The following ETV6 variants were observed in gnomAD, a reference collection of about 807,000 sequenced individuals.
ETV6 encodes the protein transcription factor ETV6.
A neutral mutation model predicts 51.1 loss-of-function variants in ETV6; 16 were observed. The ratio of observed to expected loss-of-function variants is 0.31; its 90% CI spans 0.21 to 0.48. The LOEUF (loss-of-function observed/expected upper bound fraction) is 0.48. Among genes scored for constraint, ETV6 ranks in the 20% least tolerant of loss-of-function variants. ETV6 has a pLI of 0.99. For missense variants in ETV6, 458 were observed against 594.8 expected, an observed-to-expected ratio of 0.77 and a Z score of 2.39; for synonymous variants, 240 against 224.1, an observed-to-expected ratio of 1.07 and a Z score of -0.64.
intron 2 of ETV6, among the ~76,000 whole-genome samples, chr12:11,791,352 A>G (rs1347082846): frequency 6.6e-6 from 1 of 152,184 alleles, no homozygotes; most frequent in Non-Finnish European, 1.5e-5. Context: ...TCCTCCTCTG[A>G]TGAATGTTGA....
At chr12:11,819,167 G>A (rs938882873) in intron 2 of ETV6, among the ~76,000 whole-genome samples, 2 of 152,100 alleles carry the variant, frequency 1.3e-5, no homozygotes, top group Non-Finnish European at 2.9e-5. Flanking sequence ...TCCACATGGT[G>A]TCCTCCTCCT....
intron 2 of ETV6, among the ~76,000 whole-genome samples, chr12:11,770,558 A>T (rs1945228592): frequency 6.6e-6 from 1 of 152,188 alleles, no homozygotes; most frequent in Non-Finnish European, 1.5e-5. Flanking sequence ...TGTCAACCGG[A>T]TGCTAGACTT....
intron 1 of ETV6, among the ~76,000 whole-genome samples, chr12:11,655,402 TAA>T (rs1366507700): frequency 6.6e-6 from 1 of 152,134 alleles, no homozygotes; most frequent in African/African-American, 2.4e-5. Flanking sequence ...GGACCCAGCT[TAA>T]AGACTGTTCA....
At chr12:11,861,595 T>G (rs111771603) in intron 4 of ETV6, among the ~76,000 whole-genome samples, 6 of 152,136 alleles carry the variant, frequency 3.9e-5, no homozygotes, top group Non-Finnish European at 8.8e-5. Flanking sequence ...AGCCAGAAGT[T>G]TTAGGGGCAA....
intron 1 of ETV6, among the ~76,000 whole-genome samples, chr12:11,677,089 C>T (rs1864434279): frequency 6.6e-6 from 1 of 152,194 alleles, no homozygotes; most frequent in Non-Finnish European, 1.5e-5. Context: ...TGAGTTTCTG[C>T]TTGTTGTTAA....
At chr12:11,790,375 G>T (rs1422112398) in intron 2 of ETV6, among the ~76,000 whole-genome samples, 1 of 152,124 alleles carries the variant, frequency 6.6e-6, no homozygotes, top group Non-Finnish European at 1.5e-5. Context: ...AGCACTGAAG[G>T]CAAGTTCTCC....
intron 3 of ETV6, among the ~76,000 whole-genome samples, chr12:11,843,306 T>C (rs2136471402): frequency 6.6e-6 from 1 of 152,282 alleles, no homozygotes; most frequent in Non-Finnish European, 1.5e-5. Flanking sequence ...AGATTGAAAA[T>C]CCTTTTTATT....
chr12:11,778,176 C>T (rs535868653), intron 2 of ETV6, among the ~76,000 whole-genome samples: 41 of 152,322 alleles, frequency 2.7e-4, no homozygotes, highest in South Asian at 1.7e-3. Flanking sequence ...AGGGGAATCA[C>T]GATGCTTATC....
At chr12:11,802,135 C>T (rs1452065292) in intron 2 of ETV6, among the ~76,000 whole-genome samples, 1 of 152,208 alleles carries the variant, frequency 6.6e-6, no homozygotes, top group Admixed American at 6.5e-5. Context: ...ATAACCTGAA[C>T]CACTTAAAAC....
intron 2 of ETV6, among the ~76,000 whole-genome samples, chr12:11,761,809 A>G (rs547451800): frequency 1.3e-5 from 2 of 152,360 alleles, no homozygotes; most frequent in South Asian, 4.1e-4. Flanking sequence ...GCCTGAGTAT[A>G]TGATTCCTAA....
chr12:11,751,122 T>C (rs1866017938), intron 1 of ETV6, among the ~76,000 whole-genome samples: 1 of 152,198 alleles, frequency 6.6e-6, no homozygotes, highest in Admixed American at 6.5e-5. Flanking sequence ...TCGGAAATTA[T>C]AACAATATGT....
intron 2 of ETV6, among the ~76,000 whole-genome samples, chr12:11,780,129 A>G (rs1429102125): frequency 6.6e-6 from 1 of 152,236 alleles, no homozygotes; most frequent in Non-Finnish European, 1.5e-5. Flanking sequence ...TATGTGCTGA[A>G]TAAATGACCC....
chr12:11,788,767 T>C (rs2136381451), intron 2 of ETV6, among the ~76,000 whole-genome samples: 1 of 151,688 alleles, frequency 6.6e-6, no homozygotes, highest in African/African-American at 2.4e-5. Flanking sequence ...TTTTTTTTTT[T>C]TTTTTTCATT....
chr12:11,661,739 G>C (rs2120646555), intron 1 of ETV6, among the ~76,000 whole-genome samples: 1 of 152,356 alleles, frequency 6.6e-6, no homozygotes, highest in South Asian at 2.1e-4. Context: ...GGTGAGGTAA[G>C]AGTGTTTTCC....
intron 1 of ETV6, among the ~76,000 whole-genome samples, chr12:11,687,434 G>A (rs11054416): frequency 0.28 from 42,937 of 151,754 alleles, 6,756 homozygotes; most frequent in South Asian, 0.43. Context: ...CACCCGCGTC[G>A]GCCTCCCAAA....
chr12:11,669,377 C>CCCTT (rs372374082), intron 1 of ETV6, among the ~76,000 whole-genome samples: 152 of 135,896 alleles, frequency 1.1e-3, no homozygotes, highest in South Asian at 2.2e-3. Flanking sequence ...CTCCCTTCCT[C>CCCTT]CCTCCCTCCC....
intron 2 of ETV6, among the ~76,000 whole-genome samples, chr12:11,798,298 T>C (rs1029528344): frequency 4.6e-5 from 7 of 152,178 alleles, no homozygotes; most frequent in Non-Finnish European, 8.8e-5. Context: ...GACCTCCAAA[T>C]TGGTGGGCAG....
chr12:11,824,929 G>T (rs1946131344), intron 2 of ETV6, among the ~76,000 whole-genome samples: 1 of 152,176 alleles, frequency 6.6e-6, no homozygotes, highest in Non-Finnish European at 1.5e-5. Context: ...CTGGAACCAT[G>T]CCATTTCATA....
chr12:11,895,073 C>G lies in ETV6; in HGVS notation c.*4027C>G, dbSNP rs1029778325. The G allele has an allele frequency of 4.3e-6, 1 of 233,382 alleles. No homozygotes were observed. Among genetic ancestry groups the G allele is most frequent in the Non-Finnish European group, 8.5e-6 (1 of 118,016 alleles). The allele number at this position is 233,382 out of a possible 1,614,324, so 14.5% of individuals were successfully genotyped here. On this transcript the variant is annotated 3_prime_UTR_variant, in exon 8 of 8. Transcript: ENST00000396373. ...AAGACTAACCTGATACTCTTTTGAC[C>G]CAACTGCATCAACACTAAACAGCTG...
Sources: gnomAD v4.1 joint callset for allele counts (sites outside exome capture counted in the v4.1 genomes callset) on GRCh38, gnomAD v4.1.1 for gene constraint, MANE v1.5 for transcripts, NCBI Gene and HGNC (gene_info 2026-07-23, HGNC 2026-07-21) for gene names.